The following KCNAB1 variants were observed in gnomAD, a reference collection of about 807,000 sequenced individuals.
KCNAB1 encodes potassium voltage-gated channel subfamily A regulatory beta subunit 1.
In KCNAB1, 35 loss-of-function variants were observed where a neutral mutation model predicts 64.6. The observed-to-expected ratio is 0.54, with a 90% confidence interval of 0.41 to 0.72. The LOEUF is 0.72. Ranked by LOEUF, KCNAB1 falls within the 30% of genes least tolerant of loss-of-function variation. The pLI is 0.00. For missense variants in KCNAB1, 401 were observed against 512.9 expected (o/e 0.78, Z 2.11); for synonymous variants, 177 against 183.8 (o/e 0.96, Z 0.30).
At chr3:156,269,123 T>TC (rs150334854) in intron 1 of KCNAB1, among the ~76,000 whole-genome samples, 2 of 152,202 alleles carry the variant, frequency 1.3e-5, no homozygotes, top group East Asian at 3.8e-4. Flanking sequence ...ACTGTCCTTT[T>TC]CCCCAATGAA....
At chr3:156,121,143 G>A (rs559976144) in intron 1 of KCNAB1, among the ~76,000 whole-genome samples, 67 of 152,336 alleles carry the variant, frequency 4.4e-4, no homozygotes, top group Non-Finnish European at 9.3e-4. Flanking sequence ...GGACAAAAGA[G>A]CATTATGATT....
chr3:156,384,597 G>A (rs1576800159), intron 1 of KCNAB1, among the ~76,000 whole-genome samples: 2 of 152,328 alleles, frequency 1.3e-5, no homozygotes, highest in East Asian at 1.9e-4. Flanking sequence ...TAGAAAGAAA[G>A]GAAGGGAAAT....
At chr3:156,326,653 C>T (rs1722983962) in intron 1 of KCNAB1, among the ~76,000 whole-genome samples, 1 of 152,160 alleles carries the variant, frequency 6.6e-6, no homozygotes, top group Non-Finnish European at 1.5e-5. Context: ...CTCACTGCAG[C>T]ATGCTCCTGC....
intron 1 of KCNAB1, among the ~76,000 whole-genome samples, chr3:156,304,561 G>A (rs1721362167): frequency 6.6e-6 from 1 of 152,336 alleles, no homozygotes; most frequent in Admixed American, 6.5e-5. Flanking sequence ...TAAAAGGAAT[G>A]TAATATTGGC....
intron 8 of KCNAB1, among the ~76,000 whole-genome samples, chr3:156,505,324 T>C (rs1019488009): frequency 3.9e-5 from 6 of 152,230 alleles, no homozygotes; most frequent in Non-Finnish European, 7.3e-5. Context: ...TATTTTCAGG[T>C]CAAGTAGTAT....
At chr3:156,485,087 A>G (rs899724574) in intron 8 of KCNAB1, among the ~76,000 whole-genome samples, 7 of 152,138 alleles carry the variant, frequency 4.6e-5, no homozygotes, top group Non-Finnish European at 4.4e-5. Flanking sequence ...TTGTTGTTAC[A>G]TATGTTTACA....
At chr3:156,407,950 C>A (rs538973981) in intron 1 of KCNAB1, among the ~76,000 whole-genome samples, 6 of 152,236 alleles carry the variant, frequency 3.9e-5, no homozygotes, top group African/African-American at 1.4e-4. Flanking sequence ...TTGTTTCTGG[C>A]TGAGGGCTGA....
intron 12 of KCNAB1, among the ~76,000 whole-genome samples, chr3:156,531,093 G>A (rs1245880847): frequency 6.6e-6 from 1 of 152,216 alleles, no homozygotes; most frequent in Admixed American, 6.5e-5. Flanking sequence ...GGAGAAGCAA[G>A]AAAGACAGCA....
intron 1 of KCNAB1, among the ~76,000 whole-genome samples, chr3:156,418,506 C>T (rs985565417): frequency 2.6e-5 from 4 of 152,212 alleles, no homozygotes; most frequent in African/African-American, 9.7e-5. Flanking sequence ...ACAATAGCTA[C>T]ATCTTCACTT....
chr3:156,278,684 A>G (rs1174254999), intron 1 of KCNAB1, among the ~76,000 whole-genome samples: 1 of 152,150 alleles, frequency 6.6e-6, no homozygotes, highest in Admixed American at 6.5e-5. Flanking sequence ...TTGTGAAATC[A>G]TTTTTAACTG....
At chr3:156,288,742 G>C (rs1032072458) in intron 1 of KCNAB1, among the ~76,000 whole-genome samples, 1 of 151,486 alleles carries the variant, frequency 6.6e-6, no homozygotes, top group African/African-American at 2.4e-5. Context: ...TTTTCTTTGA[G>C]GCATGTCCTA....
At chr3:156,422,297 C>T (rs1715516413) in intron 2 of KCNAB1, among the ~76,000 whole-genome samples, 1 of 152,192 alleles carries the variant, frequency 6.6e-6, no homozygotes, top group Admixed American at 6.5e-5. Context: ...TCCAGACATC[C>T]CTTAGGCCCA....
chr3:156,200,479 C>T (rs147782606), intron 1 of KCNAB1, among the ~76,000 whole-genome samples: 3 of 152,344 alleles, frequency 2.0e-5, no homozygotes, highest in African/African-American at 4.8e-5. Flanking sequence ...CTCTAAGCCC[C>T]TGACTGGGGC....
chr3:156,322,100 G>A (rs1357457434), intron 1 of KCNAB1, among the ~76,000 whole-genome samples: 1 of 152,184 alleles, frequency 6.6e-6, no homozygotes, highest in African/African-American at 2.4e-5. Context: ...CTAGTGAGAT[G>A]CTCACTCGCA....
chr3:156,448,430 T>C (rs1223027206), intron 2 of KCNAB1, among the ~76,000 whole-genome samples: 8 of 152,190 alleles, frequency 5.3e-5, no homozygotes, highest in African/African-American at 2.4e-5. Flanking sequence ...AATAAAATCA[T>C]AGAAACAGAG....
At chr3:156,303,091 T>C (rs1417194885) in intron 1 of KCNAB1, among the ~76,000 whole-genome samples, 2 of 152,168 alleles carry the variant, frequency 1.3e-5, no homozygotes, top group African/African-American at 4.8e-5. Flanking sequence ...ATGACACACA[T>C]TTTCAAATGT....
chr3:156,254,935 G>T (rs1718017993), intron 1 of KCNAB1, among the ~76,000 whole-genome samples: 2 of 152,110 alleles, frequency 1.3e-5, no homozygotes, highest in African/African-American at 4.8e-5. Flanking sequence ...AATACCAATT[G>T]CCCAGATAAA....
chr3:156,147,035 A>G (rs1715078080), intron 1 of KCNAB1, among the ~76,000 whole-genome samples: 1 of 152,364 alleles, frequency 6.6e-6, no homozygotes, highest in East Asian at 1.9e-4. Flanking sequence ...AATAAATTAC[A>G]AAGAAGATAG....
chr3:156,130,033 C>G (rs1713898979), intron 1 of KCNAB1, among the ~76,000 whole-genome samples: 1 of 152,184 alleles, frequency 6.6e-6, no homozygotes, highest in Non-Finnish European at 1.5e-5. Context: ...AGCTCTGTTT[C>G]TGGCTGGTTG....
Sources: allele counts gnomAD v4.1 joint callset (sites outside exome capture counted in the v4.1 genomes callset), GRCh38; gene constraint gnomAD v4.1.1; transcripts MANE v1.5; gene names NCBI Gene and HGNC (gene_info 2026-07-23, HGNC 2026-07-21).